Variants in FAM117B observed in about 807,000 individuals in gnomAD.
The protein encoded by FAM117B is protein FAM117B.
A neutral mutation model predicts 52.8 loss-of-function variants in FAM117B; 22 were observed. The observed-to-expected ratio is 0.42, with a 90% CI of 0.30 to 0.59. FAM117B has a LOEUF of 0.59. Ranked by LOEUF, FAM117B falls within the 20% of genes least tolerant of loss-of-function variation. The pLI, the probability that FAM117B is intolerant of heterozygous loss-of-function variation, is 0.22. For missense variants in FAM117B, 678 were observed against 802.6 expected (o/e 0.84, Z 1.88); for synonymous variants, 309 against 324.1 (o/e 0.95, Z 0.50).
chr2:202,662,606 G>A (rs1287295759), intron 1 of FAM117B, among the ~76,000 whole-genome samples: 1 of 152,190 alleles, frequency 6.6e-6, no homozygotes, highest in Non-Finnish European at 1.5e-5. Flanking sequence ...ACTTTGGGTG[G>A]CTGAGGCGGG....
chr2:202,741,331 A>C (rs939281342), intron 4 of FAM117B, among the ~76,000 whole-genome samples: 3 of 142,532 alleles, frequency 2.1e-5, no homozygotes, highest in Non-Finnish European at 4.5e-5. Context: ...GAGGCAGGGG[A>C]ATCACTGAAC....
At chr2:202,691,698 T>TGTGTGTGTGCGCGC (rs1476079292) in intron 1 of FAM117B, among the ~76,000 whole-genome samples, 1 of 131,088 alleles carries the variant, frequency 7.6e-6, no homozygotes, top group African/African-American at 3.1e-5. Context: ...TGTGTGTGTG[T>TGTGTGTGTGCGCGC]GCGCGCGCGC....
rs1447249069 is a variant in FAM117B, at chr2:202,740,176, A to C, written c.960+13813A>C. On this transcript the variant is annotated intron_variant, in intron 4 of 7. Transcript: ENST00000392238. ...GGACAGAGCGAGACTTCATCCCCCA[A>C]AAAAAAAAAAAAAAAAAAAAAAAAA... Among the ~76,000 whole-genome samples the C allele has an allele frequency of 1.6e-3, 208 of 132,668 alleles. 2 individuals are homozygous for C. The highest frequency in any genetic ancestry group is 5.2e-3 in the African/African-American group (180 of 34,582). 87.0% of individuals were successfully genotyped at this position (132,668 alleles called of 152,430 possible). A position where few individuals can be genotyped will look rare whatever the true frequency, so the allele number is the denominator to read the frequency against.
At chr2:202,641,725 G>A (rs1356762386) in intron 1 of FAM117B, among the ~76,000 whole-genome samples, 2 of 149,188 alleles carry the variant, frequency 1.3e-5, no homozygotes, top group South Asian at 4.2e-4. Flanking sequence ...TGTAACCTCC[G>A]CCTCCTGGGT....
At chr2:202,714,389 G>A (rs1691005210) in intron 2 of FAM117B, among the ~76,000 whole-genome samples, 1 of 152,072 alleles carries the variant, frequency 6.6e-6, no homozygotes, top group Non-Finnish European at 1.5e-5. Context: ...GAACTGTTCA[G>A]TACTGAAAGT....
chr2:202,685,328 CATCT>C, intron 1 of FAM117B, among the ~76,000 whole-genome samples: 1 of 152,232 alleles, frequency 6.6e-6, no homozygotes. Flanking sequence ...TAAAATTCAC[CATCT>C]ATTCATGTTA....
At chr2:202,683,265 G>T (rs1459869431) in intron 1 of FAM117B, among the ~76,000 whole-genome samples, 2 of 151,048 alleles carry the variant, frequency 1.3e-5, no homozygotes, top group African/African-American at 4.9e-5. Flanking sequence ...GGAGGCGGAG[G>T]GTACAGTCAG....
chr2:202,758,076 T>C (rs1418381650), intron 6 of FAM117B, among the ~76,000 whole-genome samples: 2 of 152,208 alleles, frequency 1.3e-5, no homozygotes, highest in African/African-American at 4.8e-5. Flanking sequence ...CCTGGTTACG[T>C]TGTGTACTTG....
chr2:202,650,199 A>G (rs1278739865), intron 1 of FAM117B, among the ~76,000 whole-genome samples: 1 of 152,216 alleles, frequency 6.6e-6, no homozygotes, highest in Non-Finnish European at 1.5e-5. Flanking sequence ...AGTGTGAATG[A>G]AAAAGGGTTT....
chr2:202,688,389 A>G (rs2105773354), intron 1 of FAM117B, among the ~76,000 whole-genome samples: 1 of 152,308 alleles, frequency 6.6e-6, no homozygotes, highest in Non-Finnish European at 1.5e-5. Flanking sequence ...TGTGTGTTGC[A>G]AGAAGTTTAG....
chr2:202,742,579 A>G (rs1458736538), intron 4 of FAM117B, among the ~76,000 whole-genome samples: 1 of 152,244 alleles, frequency 6.6e-6, no homozygotes, highest in African/African-American at 2.4e-5. Context: ...TGTAAGTATT[A>G]GAAGACATTA....
intron 1 of FAM117B, among the ~76,000 whole-genome samples, chr2:202,691,241 C>T (rs1218976102): frequency 3.3e-5 from 5 of 152,134 alleles, no homozygotes; most frequent in African/African-American, 9.6e-5. Flanking sequence ...CATGGAGAAA[C>T]GCTGTCTCTA....
chr2:202,710,408 A>G (rs1690938221), intron 2 of FAM117B, among the ~76,000 whole-genome samples: 1 of 151,868 alleles, frequency 6.6e-6, no homozygotes, highest in Non-Finnish European at 1.5e-5. Context: ...TAATTTTCTT[A>G]ATTTTTTTCT....
chr2:202,635,742 A>G lies in FAM117B; in HGVS notation c.555A>G (p.Arg185=). 6.9e-7 allele frequency: 1 copy of G among 1,457,188 alleles called. No homozygotes were observed. The highest frequency in any genetic ancestry group is 9.0e-7 in the Non-Finnish European group (1 of 1,107,664). 90.3% of individuals were successfully genotyped at this position (1,457,188 alleles called of 1,614,324 possible). A position where few individuals can be genotyped will look rare whatever the true frequency, so the allele number is the denominator to read the frequency against. ...RHRRRSPEQS[R]SSPEKRSPSA... Reference sequence around the variant, plus strand: ...GGAGGAGGTCTCCGGAGCAGAGCCGAAGCTCGCCGGAGAAGAGGAGCCCCA... The same window carrying G: ...GGAGGAGGTCTCCGGAGCAGAGCCGGAGCTCGCCGGAGAAGAGGAGCCCCA... Residue 185 remains arginine, a synonymous_variant, in exon 1 of 8, where the codon CGA becomes CGG. Transcript: ENST00000392238.
chr2:202,699,334 G>A (rs1403544491), intron 2 of FAM117B, among the ~76,000 whole-genome samples: 2 of 149,052 alleles, frequency 1.3e-5, no homozygotes, highest in Non-Finnish European at 1.5e-5. Flanking sequence ...AGCTGAGACA[G>A]GAGAATTGCT....
intron 3 of FAM117B, chr2:202,725,233 G>A: frequency 6.4e-6 from 2 of 311,298 alleles, no homozygotes; most frequent in South Asian, 8.3e-5. Flanking sequence ...TTTTTTAGGA[G>A]AATTCATACC....
intron 2 of FAM117B, 106 bp from the exon 3 acceptor site, chr2:202,724,811 G>A (rs1386456124): frequency 1.4e-6 from 1 of 709,170 alleles, no homozygotes; most frequent in Non-Finnish European, 2.1e-6. Flanking sequence ...TATTTTTAAT[G>A]TCTAATTTTT....
intron 1 of FAM117B, among the ~76,000 whole-genome samples, chr2:202,649,163 T>C (rs1689918120): frequency 6.6e-6 from 1 of 152,204 alleles, no homozygotes; most frequent in Non-Finnish European, 1.5e-5. Context: ...TTCATGAACA[T>C]TTTTTCCCCA....
In FAM117B at chr2:202,667,513, C is replaced by CT. The variant is rs554372601; in HGVS notation, c.602-28363dup. On this transcript the variant is annotated intron_variant, in intron 1 of 7. Transcript: ENST00000392238. ...GTGCGTGCGCGCGCATGTGCTGTCT[C>CT]TTTTTCCATAGAAATAATATTGCTC... Among the ~76,000 whole-genome samples the CT allele has an allele frequency of 5.3e-5, 8 of 152,126 alleles. No homozygotes were observed. In the East Asian group the frequency reaches 1.2e-3, roughly 22 times the overall value.
Sources: gnomAD v4.1 joint callset for allele counts (sites outside exome capture counted in the v4.1 genomes callset) on GRCh38, gnomAD v4.1.1 for gene constraint, MANE v1.5 for transcripts, NCBI Gene and HGNC (gene_info 2026-07-23, HGNC 2026-07-21) for gene names.